The following GRTP1 variants were observed in gnomAD, a reference collection of about 807,000 sequenced individuals.
GRTP1 encodes the protein growth hormone-regulated TBC protein 1.
GRTP1 carries 56 observed loss-of-function variants against 38.1 expected under a neutral mutation model. The observed-to-expected ratio is 1.47, with a 90% CI of 1.19 to 1.84. GRTP1 has a LOEUF of 1.84. GRTP1 is among the 40% of genes most tolerant of loss of function. The probability of loss-of-function intolerance (pLI) is 0.00; values close to 1 mark genes in which losing one functional copy is unlikely to be tolerated. For synonymous variants in GRTP1, 217 were observed against 189.5 expected (o/e 1.14, Z -1.19); for missense variants, 506 against 453.9 (o/e 1.11, Z -1.04).
chr13:113,330,225 A>G (rs1163689312), intron 5 of GRTP1, among the ~76,000 whole-genome samples: 2 of 142,212 alleles, frequency 1.4e-5, no homozygotes, highest in Non-Finnish European at 3.0e-5. Context: ...AGGTGCGTGG[A>G]TGGAAACCCG....
chr13:113,360,522 C>T (rs1455665616), intron 2 of GRTP1, among the ~76,000 whole-genome samples: 1 of 152,188 alleles, frequency 6.6e-6, no homozygotes, highest in African/African-American at 2.4e-5. Context: ...TTTGGAATAA[C>T]TCGTCCACTC....
intron 5 of GRTP1, among the ~76,000 whole-genome samples, chr13:113,340,239 G>T (rs1238765136): frequency 6.6e-6 from 1 of 152,074 alleles, no homozygotes; most frequent in Non-Finnish European, 1.5e-5. Flanking sequence ...CCTTTGTGAG[G>T]CCAAGGCAGG....
chr13:113,351,154 G>T (rs1405993307), intron 3 of GRTP1, among the ~76,000 whole-genome samples, 181 bp from the exon 4 acceptor site: 1 of 152,142 alleles, frequency 6.6e-6, no homozygotes, highest in East Asian at 1.9e-4. Context: ...GGAAGGAGGG[G>T]GTGATCCTGA....
intron 5 of GRTP1, among the ~76,000 whole-genome samples, chr13:113,330,363 G>T (rs9549382): frequency 1.0e-5 from 1 of 95,630 alleles, no homozygotes; most frequent in South Asian, 3.9e-4. Context: ...CAGGTGTGTG[G>T]AAGGAAACCC....
At chr13:113,333,067 C>T (rs72665267) in intron 5 of GRTP1, among the ~76,000 whole-genome samples, 1 of 152,328 alleles carries the variant, frequency 6.6e-6, no homozygotes, top group Non-Finnish European at 1.5e-5. Flanking sequence ...GGACTCATGA[C>T]ATCAGGTCTT....
intron 2 of GRTP1, 23 bp from the exon 3 acceptor site, chr13:113,355,504 G>A (rs1242622008): frequency 6.3e-7 from 1 of 1,594,318 alleles, no homozygotes. Context: ...AGGACGGACA[G>A]CGTGTGAGCT....
At chr13:113,340,134 G>A (rs2043006150) in intron 5 of GRTP1, among the ~76,000 whole-genome samples, 2 of 146,666 alleles carry the variant, frequency 1.4e-5, no homozygotes, top group African/African-American at 5.0e-5. Flanking sequence ...TCAGCCTCCT[G>A]GGTAGCTGGG....
chr13:113,344,160 T>C (rs1288225915), intron 5 of GRTP1, among the ~76,000 whole-genome samples: 1 of 152,180 alleles, frequency 6.6e-6, no homozygotes, highest in African/African-American at 2.4e-5. Flanking sequence ...ACAAACTCAG[T>C]ACAAATACAT....
chr13:113,345,639 C>G (rs1356526427), intron 4 of GRTP1, among the ~76,000 whole-genome samples: 1 of 152,236 alleles, frequency 6.6e-6, no homozygotes, highest in African/African-American at 2.4e-5. Context: ...CAGCTTCTGC[C>G]AGCCCACAAG....
rs1201447100 is a variant in GRTP1 at position 113,342,654 on chromosome 13, T to A, written c.562+2209A>T. On this transcript the variant is annotated intron_variant, in intron 5 of 7. Transcript: ENST00000375431. The surrounding 1 kb of genome is among the most constrained non-coding windows in gnomAD (Gnocchi z 4.5). ...GTAACTATAACTTCGAGGATGGATT[T>A]TAGAGCAGGATGACTGTGGCACTGA... Among the ~76,000 whole-genome samples, 1 of 151,558 alleles carries A rather than the reference T, an allele frequency of 6.6e-6. No individual in the cohort carries two copies. Among genetic ancestry groups the A allele is most frequent in the Non-Finnish European group, 1.5e-5 (1 of 67,956 alleles).
rs1295786926 is a variant in GRTP1, at chr13:113,348,968, G to A, written c.465+1881C>T. Among the ~76,000 whole-genome samples the A allele has an allele frequency of 1.3e-5, 2 of 152,192 alleles. No individual in the cohort carries two copies. The highest frequency in any genetic ancestry group is 2.4e-5 in the African/African-American group (1 of 41,438). ...TGCACATCTCCGCACACACATGTAC[G>A]TATGTGCCTGTAGGTTCCAAAAGCC... On this transcript the variant is annotated intron_variant, in intron 4 of 7. Coordinates refer to ENST00000375431, the MANE Select transcript of GRTP1 (RefSeq NM_024719.4). This position sits in a 1 kb window ranked among gnomAD's most constrained non-coding sequence, Gnocchi z 4.8.
intron 5 of GRTP1, among the ~76,000 whole-genome samples, chr13:113,330,207 G>A (rs1483756951): frequency 2.0e-5 from 3 of 149,406 alleles, no homozygotes; most frequent in Admixed American, 1.3e-4. Flanking sequence ...ATGTGTGCAT[G>A]GGAGCCCAGG....
At chr13:113,332,345 A>ACACACGTGCACACGCACGC (rs1381142557) in intron 5 of GRTP1, among the ~76,000 whole-genome samples, 104 of 97,118 alleles carry the variant, frequency 1.1e-3, no homozygotes, top group African/African-American at 1.7e-3. Context: ...CACGCACGCC[A>ACACACGTGCACACGCACGC]CACACAGGTA....
At position 113,342,253 on chromosome 13, in the gene GRTP1, A is replaced by G. The variant is rs2139442722; in HGVS notation, c.562+2610T>C. 6.6e-6 allele frequency among the ~76,000 whole-genome samples: 1 copy of G among 152,316 alleles called. No individual in the cohort carries two copies. Among genetic ancestry groups the G allele is most frequent in the South Asian group, 2.1e-4 (1 of 4,828 alleles). ...CTGGCTGTCACTTTTTATTCTATAAAAAGTACTGTTGGGAGGCCGAGGCAG... is the reference window on the plus strand; with the variant it reads ...CTGGCTGTCACTTTTTATTCTATAAGAAGTACTGTTGGGAGGCCGAGGCAG... On this transcript the variant is annotated intron_variant, in intron 5 of 7. Transcript: ENST00000375431. The surrounding 1 kb of genome is among the most constrained non-coding windows in gnomAD (Gnocchi z 4.5).
chr13:113,325,751 A>G lies in GRTP1; in HGVS notation c.831T>C (p.Ile277=), dbSNP rs2042753456. The change falls in exon 7 of 8, where the codon ATT becomes ATC. Residue 277 remains isoleucine (I), a synonymous_variant. Transcript: ENST00000375431. ...LTLIKQHQEL[I]LEATSVPDIC... ...TGTCTGGAACGCTGGTGGCTTCCAA[A>G]ATCAACTCCTGGTGCTGCTTAATTA... 1 of 1,614,182 alleles carries G rather than the reference A, an allele frequency of 6.2e-7. No individual in the cohort carries two copies. The highest frequency in any genetic ancestry group is 8.5e-7 in the Non-Finnish European group (1 of 1,180,016).
chr13:113,333,415 C>A (rs1434045053), intron 5 of GRTP1, among the ~76,000 whole-genome samples: 1 of 152,210 alleles, frequency 6.6e-6, no homozygotes, highest in Non-Finnish European at 1.5e-5. Flanking sequence ...CACCACTGCA[C>A]CGTACGCTTG....
intron 5 of GRTP1, among the ~76,000 whole-genome samples, chr13:113,336,071 C>T (rs952120871): frequency 2.0e-5 from 3 of 152,092 alleles, no homozygotes; most frequent in Admixed American, 6.5e-5. Context: ...GGATTACAGG[C>T]GACAGCCACC....
At chr13:113,346,016 CTG>C (rs2043102820) in intron 4 of GRTP1, among the ~76,000 whole-genome samples, 3 of 91,302 alleles carry the variant, frequency 3.3e-5, no homozygotes, top group African/African-American at 1.2e-4. Context: ...ACCTCTGCGG[CTG>C]AGCAGACCTG....
intron 3 of GRTP1, 85 bp downstream of exon 3, chr13:113,355,237 CT>C: frequency 1.4e-6 from 2 of 1,440,564 alleles, no homozygotes; most frequent in Non-Finnish European, 1.9e-6. Flanking sequence ...CCGCTCACCC[CT>C]GGACGCTGAG....
Sources: allele counts gnomAD v4.1 joint callset (sites outside exome capture counted in the v4.1 genomes callset), GRCh38; gene constraint gnomAD v4.1.1; non-coding constraint Gnocchi (gnomAD v3.1); transcripts MANE v1.5; gene names NCBI Gene and HGNC (gene_info 2026-07-23, HGNC 2026-07-21).